The following CGRRF1 variants were observed in gnomAD, a reference collection of about 807,000 sequenced individuals.
The protein encoded by CGRRF1 is cell growth regulator with RING finger domain protein 1.
CGRRF1 carries 32 observed loss-of-function variants against 37.2 expected under a neutral mutation model. The observed-to-expected ratio is 0.86, with a 90% CI of 0.65 to 1.16. CGRRF1 has a LOEUF of 1.16. CGRRF1 is among the 50% of genes most tolerant of loss of function. The probability of loss-of-function intolerance (pLI) is 0.00; values close to 1 mark genes in which losing one functional copy is unlikely to be tolerated. For synonymous variants in CGRRF1, 141 were observed against 140.3 expected, an observed-to-expected ratio of 1.00 and a Z score of -0.04; for missense variants, 391 against 382.6, an observed-to-expected ratio of 1.02 and a Z score of -0.18.
At chr14:54,531,113 T>C (rs551722755) in intron 4 of CGRRF1, 63 bp downstream of exon 4, 2 of 1,274,686 alleles carry the variant, frequency 1.6e-6, no homozygotes, top group African/African-American at 3.0e-5. Context: ...TTCTTCATTA[T>C]TTGATAAATA....
chr14:54,525,783 A>G (rs1007589447), intron 2 of CGRRF1, among the ~76,000 whole-genome samples: 2 of 152,308 alleles, frequency 1.3e-5, no homozygotes, highest in Non-Finnish European at 1.5e-5. Context: ...TGAATAATCT[A>G]GAGACCTGAT....
chr14:54,522,394 CACATA>C lies in CGRRF1; in HGVS notation c.105-53_105-49del, dbSNP rs558312415. The stretch of plus-strand genomic sequence containing the variant: ...CGCTAATGAAGCACAACAGATTTTA[CACATA>C]ACATAAAGTTTCAACATTTGTTAAA... On this transcript the variant is annotated intron_variant, in intron 1 of 5. Transcript: ENST00000216420. 1.2e-4 allele frequency: 144 copies of C among 1,212,036 alleles called. No homozygotes were observed. In the African/African-American group the frequency reaches 2.0e-3, roughly 17 times the overall value. The allele number at this position is 1,212,036 out of a possible 1,614,324, so 75.1% of individuals were successfully genotyped here. A position where few individuals can be genotyped will look rare whatever the true frequency, so the allele number is the denominator to read the frequency against.
rs111922588 is a variant in CGRRF1 at position 54,532,227 on chromosome 14, C to A, written c.570+1177C>A. On this transcript the variant is annotated intron_variant, in intron 4 of 5. Coordinates refer to ENST00000216420, the MANE Select transcript of CGRRF1 (RefSeq NM_006568.3). ...GGAAGGTAAAGACTCTTTGGGAAAT[C>A]TAGACCCTTCTTACTCATTTGCAGT... Among the ~76,000 whole-genome samples, 267 of 152,248 alleles carry A rather than the reference C, an allele frequency of 1.8e-3. 1 individual carries two copies. Among genetic ancestry groups the A allele is most frequent in the African/African-American group, 5.9e-3 (246 of 41,552 alleles).
At chr14:54,529,802 C>T (rs529628293) in intron 2 of CGRRF1, among the ~76,000 whole-genome samples, 1 of 152,248 alleles carries the variant, frequency 6.6e-6, no homozygotes, top group South Asian at 2.1e-4. Flanking sequence ...AGTTTCTAAG[C>T]TTTAATAGAT....
intron 1 of CGRRF1, among the ~76,000 whole-genome samples, chr14:54,515,803 C>G (rs1290336448): frequency 6.6e-6 from 1 of 151,778 alleles, no homozygotes; most frequent in Non-Finnish European, 1.5e-5. Flanking sequence ...CTCTTTTTGT[C>G]TTTTTATTTA....
chr14:54,527,741 A>T lies in CGRRF1; in HGVS notation c.245-2308A>T, dbSNP rs183051283. 4.2e-3 allele frequency among the ~76,000 whole-genome samples: 639 copies of T among 150,654 alleles called. 2 individuals are homozygous for T. The highest frequency in any genetic ancestry group is 5.2e-3 in the Non-Finnish European group (353 of 67,714). On this transcript the variant is annotated intron_variant, in intron 2 of 5. Transcript: ENST00000216420. ...CTGTAAGTTGAGTTTTAAAAGGCTT[A>T]TCCTTCCATTGTTCTTTTTTTTTTT...
intron 2 of CGRRF1, 96 bp from the exon 3 acceptor site, chr14:54,529,953 C>A: frequency 1.0e-6 from 1 of 972,148 alleles, no homozygotes; most frequent in Non-Finnish European, 1.5e-6. Flanking sequence ...ATCATCCTGG[C>A]CAGCATCCAA....
At position 54,530,931 on chromosome 14, in the gene CGRRF1, T is replaced by C. The variant is rs572306701; in HGVS notation, c.451T>C (p.Tyr151His). 4.6e-5 allele frequency: 74 copies of C among 1,593,852 alleles called. No individual in the cohort carries two copies. Among genetic ancestry groups the C allele is most frequent in the Non-Finnish European group, 5.3e-5 (61 of 1,161,830 alleles). ...TAAAAAGGATAGCAAAGAAGAAATA[T>C]ATTGCCAGTTACCAAGAGATACTAA... is the stretch of plus-strand genomic sequence containing the variant. Reference protein sequence around the residue: ...FIKKDSKEEIYCQLPRDTKIE... With the variant: ...FIKKDSKEEIHCQLPRDTKIE... Residue 151 changes from tyrosine (Y) to histidine (H), a missense_variant, in exon 4 of 6, where the codon TAT becomes CAT. Tyr to His is a moderately conservative substitution (Grantham distance 83). Coordinates refer to ENST00000216420, the MANE Select transcript of CGRRF1 (RefSeq NM_006568.3).
chr14:54,518,856 G>C (rs946953256), intron 1 of CGRRF1, among the ~76,000 whole-genome samples: 2 of 152,118 alleles, frequency 1.3e-5, no homozygotes, highest in Non-Finnish European at 2.9e-5. Flanking sequence ...TTGTCAGATG[G>C]ATAGATTGCA....
In CGRRF1 at chr14:54,537,744, A is replaced by G; in HGVS notation, c.593A>G (p.His198Arg). 2 of 1,582,804 alleles carry G rather than the reference A, an allele frequency of 1.3e-6. No homozygotes were observed. Among genetic ancestry groups the G allele is most frequent in the Non-Finnish European group, 8.6e-7 (1 of 1,169,408 alleles). Residue 198 changes from histidine (H) to arginine (R), a missense_variant, in exon 5 of 6, where the codon CAT becomes CGT. By Grantham distance (29) the His-to-Arg change is conservative (BLOSUM62 0). Coordinates refer to ENST00000216420, the MANE Select transcript of CGRRF1 (RefSeq NM_006568.3). Reference protein sequence around the residue: ...YDIISMVSVIHIPDRTYKLSC... With the variant: ...YDIISMVSVIRIPDRTYKLSC... ...TAGATTTCCATGGTGTCAGTGATTC[A>G]TATTCCTGATAGGACTTATAAACTA...
rs568126603 is a variant in CGRRF1 at position 54,521,673 on chromosome 14, T to G, written c.105-781T>G. Among the ~76,000 whole-genome samples the G allele has an allele frequency of 4.6e-5, 7 of 151,744 alleles. No homozygotes were observed. The South Asian group carries it at 1.3e-3, about 27-fold the overall frequency. ...GTCCACGCCACCATGCCCAGCTAAT[T>G]TTTGTATTTTTATTAATGACAGGGT... is the stretch of plus-strand genomic sequence containing the variant. On this transcript the variant is annotated intron_variant, in intron 1 of 5. Coordinates refer to ENST00000216420, the MANE Select transcript of CGRRF1 (RefSeq NM_006568.3).
intron 2 of CGRRF1, among the ~76,000 whole-genome samples, chr14:54,527,721 A>C (rs1197239189): frequency 6.6e-6 from 1 of 151,506 alleles, no homozygotes. Flanking sequence ...GTAAGCTGTA[A>C]GTTGAGTTTT....
intron 1 of CGRRF1, among the ~76,000 whole-genome samples, chr14:54,511,040 G>A (rs2032121544): frequency 6.6e-6 from 1 of 152,186 alleles, no homozygotes; most frequent in Non-Finnish European, 1.5e-5. Context: ...ATATAGTAGG[G>A]AAGAAAAAGC....
intron 2 of CGRRF1, 43 bp from the exon 3 acceptor site, chr14:54,530,006 T>C: frequency 2.0e-6 from 3 of 1,516,200 alleles, no homozygotes; most frequent in Non-Finnish European, 2.7e-6. Flanking sequence ...GTATTAGAAG[T>C]TACATTAAAT....
At chr14:54,536,159 G>C (rs2032598287) in intron 4 of CGRRF1, 1 of 151,832 alleles carries the variant, frequency 6.6e-6, no homozygotes, top group Non-Finnish European at 1.5e-5. Context: ...ACAAAAGATA[G>C]CACATACTCT....
intron 1 of CGRRF1, among the ~76,000 whole-genome samples, chr14:54,515,381 C>T (rs867203275): frequency 2.1e-4 from 32 of 151,908 alleles, no homozygotes; most frequent in African/African-American, 6.5e-4. Flanking sequence ...TGTGAGTCAC[C>T]GCGCCCGGCC....
intron 1 of CGRRF1, among the ~76,000 whole-genome samples, chr14:54,512,671 T>G (rs763669067): frequency 1.3e-5 from 2 of 152,184 alleles, no homozygotes; most frequent in African/African-American, 2.4e-5. Context: ...ACTTGCTGCT[T>G]CCTGTTGATT....
chr14:54,510,276 C>T, intron 1 of CGRRF1: 1 of 571,644 alleles, frequency 1.7e-6, no homozygotes, highest in Non-Finnish European at 3.1e-6. Flanking sequence ...TGGTCCGTGT[C>T]GCTGGGGCAT....
chr14:54,524,280 T>C (rs1188805700), intron 2 of CGRRF1, among the ~76,000 whole-genome samples: 3 of 152,196 alleles, frequency 2.0e-5, no homozygotes, highest in Non-Finnish European at 4.4e-5. Context: ...TATTCATCTT[T>C]CCTGCCTCTA....
Sources: gnomAD v4.1 joint callset for allele counts (sites outside exome capture counted in the v4.1 genomes callset) on GRCh38, gnomAD v4.1.1 for gene constraint, MANE v1.5 for transcripts, NCBI Gene and HGNC (gene_info 2026-07-23, HGNC 2026-07-21) for gene names.